Variants in PASD1 observed in about 807,000 individuals in gnomAD.
The protein encoded by PASD1 is circadian clock protein PASD1.
A neutral mutation model predicts 58.8 loss-of-function variants in PASD1; 13 were observed. The observed-to-expected ratio is 0.22, with a 90% CI of 0.14 to 0.35. The LOEUF (loss-of-function observed/expected upper bound fraction) is 0.35. Ranked by LOEUF, PASD1 falls within the 10% of genes least tolerant of loss-of-function variation. PASD1 has a pLI of 1.00. For synonymous variants in PASD1, 236 were observed against 216.7 expected (o/e 1.09, Z -0.78); for missense variants, 734 against 568.3 (o/e 1.29, Z -2.96).
At chrX:151,618,717 C>T (rs1171855390) in intron 4 of PASD1, among the ~76,000 whole-genome samples, 1 of 111,552 alleles carries the variant, frequency 9.0e-6, no homozygotes, top group Non-Finnish European at 1.9e-5. Context: ...GAGAGAAAGC[C>T]ATTGCAAATA....
At chrX:151,566,665 A>G (rs1194914221) in intron 1 of PASD1, among the ~76,000 whole-genome samples, 1 of 112,276 alleles carries the variant, frequency 8.9e-6, no homozygotes, top group Admixed American at 9.5e-5. Context: ...TTTGGAATAC[A>G]TGTAATTTGC....
At chrX:151,632,204 TA>T (rs2013877444) in intron 8 of PASD1, among the ~76,000 whole-genome samples, 1 of 110,661 alleles carries the variant, frequency 9.0e-6, no homozygotes, top group Non-Finnish European at 1.9e-5. Context: ...TGGCATTTTA[TA>T]GGTTAAAAAT....
rs778041065 is a variant in PASD1 at position 151,599,389 on chromosome X, C to T, written c.-27-2138C>T. Among the ~76,000 whole-genome samples, 36 of 112,187 alleles carry T rather than the reference C, an allele frequency of 3.2e-4. No individual in the cohort carries two copies. In the Middle Eastern group the frequency reaches 0.014, roughly 44 times the overall value. ...GCAGAGGGACTCCTCACTTCCCAGA[C>T]GGGGCGGCAGGGCAGAGGCGCCCCC... is the stretch of plus-strand genomic sequence containing the variant. On this transcript the variant is annotated intron_variant, in intron 1 of 15. Coordinates refer to ENST00000370357, the MANE Select transcript of PASD1 (RefSeq NM_173493.3).
At chrX:151,625,056 T>C (rs556537865) in intron 7 of PASD1, among the ~76,000 whole-genome samples, 1 of 112,149 alleles carries the variant, frequency 8.9e-6, no homozygotes, top group Admixed American at 9.5e-5. Flanking sequence ...AGGAACTCTA[T>C]TTGTGTTCTA....
At chrX:151,649,928 T>C (rs1188252791) in intron 9 of PASD1, among the ~76,000 whole-genome samples, 1 of 112,297 alleles carries the variant, frequency 8.9e-6, no homozygotes, top group Non-Finnish European at 1.9e-5. Flanking sequence ...ATTTTAAACA[T>C]GAAGTGCTGA....
chrX:151,587,060 A>G (rs960903486), intron 1 of PASD1, among the ~76,000 whole-genome samples: 1 of 111,832 alleles, frequency 8.9e-6, no homozygotes, highest in African/African-American at 3.3e-5. Flanking sequence ...TAGAAACTTG[A>G]AATATTCTGC....
chrX:151,633,325 C>T (rs1466668240), intron 8 of PASD1, among the ~76,000 whole-genome samples: 6 of 111,276 alleles, frequency 5.4e-5, no homozygotes, highest in Admixed American at 9.6e-5. Flanking sequence ...ACCCACCAGA[C>T]AGATACTCAC....
At chrX:151,636,281 A>G (rs370798162) in intron 8 of PASD1, among the ~76,000 whole-genome samples, 1 of 111,862 alleles carries the variant, frequency 8.9e-6, no homozygotes, top group Non-Finnish European at 1.9e-5. Flanking sequence ...CTATACCACA[A>G]TTTGTTACGT....
At chrX:151,648,112 C>A (rs1214334164) in intron 8 of PASD1, among the ~76,000 whole-genome samples, 3 of 110,686 alleles carry the variant, frequency 2.7e-5, no homozygotes, top group Non-Finnish European at 5.7e-5. Context: ...CTCACCCATA[C>A]TTAATTGGTG....
intron 1 of PASD1, among the ~76,000 whole-genome samples, chrX:151,576,697 G>A (rs1304101091): frequency 2.7e-5 from 3 of 112,015 alleles, no homozygotes; most frequent in African/African-American, 9.7e-5. Context: ...GTGTGCACAC[G>A]TGTGTATGTG....
chrX:151,637,057 C>T (rs2013939997), intron 8 of PASD1, among the ~76,000 whole-genome samples: 1 of 112,104 alleles, frequency 8.9e-6, no homozygotes, highest in Non-Finnish European at 1.9e-5. Flanking sequence ...AAGATTCATC[C>T]GAGTGGTTGC....
At chrX:151,601,687 A>C in intron 2 of PASD1, 106 bp downstream of exon 2, 1 of 823,663 alleles carries the variant, frequency 1.2e-6, no homozygotes, top group Admixed American at 2.7e-5. Context: ...AGCCTGATTC[A>C]CTCAGAGAAA....
At chrX:151,611,842 A>G in intron 4 of PASD1, 89 bp downstream of exon 4, 1 of 646,958 alleles carries the variant, frequency 1.5e-6, no homozygotes, top group Non-Finnish European at 2.3e-6. Context: ...TTATACTTTA[A>G]GTTTTAGAGT....
At chrX:151,624,198 A>G (rs1602938736) in intron 7 of PASD1, among the ~76,000 whole-genome samples, 1 of 111,542 alleles carries the variant, frequency 9.0e-6, no homozygotes, top group South Asian at 3.8e-4. Flanking sequence ...TTTTGGAGGT[A>G]GTGCCCTTGC....
In PASD1 at chrX:151,624,650, A is replaced by G. The variant is rs754227193; in HGVS notation, c.547-798A>G. ...TATTACAGTTGTTGTGATCATTGTT[A>G]TTACTGTCATTATTACTGCCAGTGA... On this transcript the variant is annotated intron_variant, in intron 7 of 15. Transcript: ENST00000370357. Among the ~76,000 whole-genome samples, 14 of 111,786 alleles carry G rather than the reference A, an allele frequency of 1.3e-4. 1 individual carries two copies. Among genetic ancestry groups the G allele is most frequent in the African/African-American group, 4.5e-4 (14 of 30,848 alleles).
intron 1 of PASD1, among the ~76,000 whole-genome samples, chrX:151,565,489 G>C (rs2012823685): frequency 9.1e-6 from 1 of 110,035 alleles, no homozygotes; most frequent in Non-Finnish European, 1.9e-5. Context: ...CGTGAGGGCT[G>C]TTCCTCCTTT....
At position 151,563,851 on chromosome X, in the gene PASD1, C is replaced by A. The variant is rs1379811877; in HGVS notation, c.-28+12C>A. The A allele has an allele frequency of 3.6e-5, 4 of 112,187 alleles. No homozygotes were observed. The highest frequency in any genetic ancestry group is 1.3e-4 in the African/African-American group (4 of 30,856). 9.2% of individuals were successfully genotyped at this position (112,187 alleles called of 1,213,427 possible). On this transcript the variant is annotated intron_variant, in intron 1 of 15. Transcript: ENST00000370357. ...AGAGTTCCACAAGGGTGAGTGAAGT[C>A]CGTTAATGAAAGCTACTGCAAAGTA...
intron 7 of PASD1, among the ~76,000 whole-genome samples, chrX:151,623,613 G>A (rs1278912891): frequency 1.8e-5 from 2 of 112,116 alleles, no homozygotes; most frequent in Non-Finnish European, 3.8e-5. Flanking sequence ...ACTGTGCTAG[G>A]TGCCAGAGAG....
At chrX:151,672,748 G>A in intron 14 of PASD1, 87 bp downstream of exon 14, 1 of 1,149,539 alleles carries the variant, frequency 8.7e-7, no homozygotes, top group Non-Finnish European at 1.2e-6. Flanking sequence ...ACAGACAGAC[G>A]ACCTATCCAT....
Sources: allele counts gnomAD v4.1 joint callset (sites outside exome capture counted in the v4.1 genomes callset), GRCh38; gene constraint gnomAD v4.1.1; transcripts MANE v1.5; gene names NCBI Gene and HGNC (gene_info 2026-07-23, HGNC 2026-07-21).